Variants in INO80D observed in about 807,000 individuals in gnomAD.
The protein encoded by INO80D is INO80 complex subunit D.
A neutral mutation model predicts 87.6 loss-of-function variants in INO80D; 21 were observed. That is an observed-to-expected ratio of 0.24 (90% CI 0.17 to 0.35). The LOEUF (loss-of-function observed/expected upper bound fraction) is 0.35, where lower values mean the gene tolerates loss of function less well. Among genes scored for constraint, INO80D ranks in the 10% least tolerant of loss-of-function variants. The probability of loss-of-function intolerance (pLI) is 1.00; values close to 1 mark genes in which losing one functional copy is unlikely to be tolerated. For missense variants in INO80D, 982 were observed against 1,280.7 expected (o/e 0.77, Z 3.56); for synonymous variants, 440 against 491.0 (o/e 0.90, Z 1.37).
intron 3 of INO80D, among the ~76,000 whole-genome samples, chr2:206,061,557 C>A (rs912904970): frequency 6.6e-6 from 1 of 152,216 alleles, no homozygotes; most frequent in Admixed American, 6.5e-5. Context: ...ATACATACAT[C>A]CCTTTCTCAC....
Position 205,997,669 on chromosome 2 carries a change from C to T in INO80D, c.*6699G>A, listed in dbSNP as rs1450423819. 1 of 152,124 alleles carries T rather than the reference C, an allele frequency of 6.6e-6. No homozygotes were observed. Among genetic ancestry groups the T allele is most frequent in the Non-Finnish European group, 1.5e-5 (1 of 67,996 alleles). The allele number at this position is 152,124 out of a possible 1,614,324, so 9.4% of individuals were successfully genotyped here. A position where few individuals can be genotyped will look rare whatever the true frequency, so the allele number is the denominator to read the frequency against. ...GAAAGTGAGAGGCTGATCTTAGAAC[C>T]TCCTGTTTCTCATGTCATTTTATGA... is the stretch of plus-strand genomic sequence containing the variant. On this transcript the variant is annotated 3_prime_UTR_variant, in exon 11 of 11. Transcript: ENST00000403263.
chr2:206,071,705 A>G (rs918900840), intron 1 of INO80D, among the ~76,000 whole-genome samples: 2 of 151,544 alleles, frequency 1.3e-5, no homozygotes, highest in African/African-American at 4.8e-5. Context: ...TGATTCCATC[A>G]GCTCACTCTT....
intron 1 of INO80D, among the ~76,000 whole-genome samples, chr2:206,073,734 C>G (rs938074945): frequency 5.9e-5 from 9 of 152,186 alleles, no homozygotes; most frequent in Non-Finnish European, 1.3e-4. Flanking sequence ...AGGCTGGTCT[C>G]GAACCTCTAG....
At chr2:206,021,466 T>C (rs921416175) in intron 6 of INO80D, among the ~76,000 whole-genome samples, 1 of 152,214 alleles carries the variant, frequency 6.6e-6, no homozygotes, top group African/African-American at 2.4e-5. Context: ...AGTTTATCCA[T>C]TGTTTCTTTA....
At chr2:206,033,638 A>C (rs1197876457) in intron 5 of INO80D, among the ~76,000 whole-genome samples, 2 of 152,226 alleles carry the variant, frequency 1.3e-5, no homozygotes, top group African/African-American at 2.4e-5. Flanking sequence ...AAAAAGACTG[A>C]AAAAGCACAA....
Position 206,028,267 on chromosome 2 carries a change from T to A in INO80D, c.1142A>T (p.Lys381Ile). The A allele has an allele frequency of 1.9e-6, 3 of 1,612,864 alleles. No individual in the cohort carries two copies. The highest frequency in any genetic ancestry group is 2.5e-6 in the Non-Finnish European group (3 of 1,178,904). Reference sequence around the variant, plus strand: ...CTCCAGGCGGCAGAGGTGCTTATATTTCTGCTGAAAGTAAGTGCAAAGTTG... The same window carrying A: ...CTCCAGGCGGCAGAGGTGCTTATATATCTGCTGAAAGTAAGTGCAAAGTTG... ...VTQLCTYFQQ[K>I]YKHLCRLERA... The change falls in exon 6 of 11, where the codon AAA (lysine) becomes ATA (isoleucine). Residue 381 changes from lysine to isoleucine, a missense_variant. Lys to Ile is a moderately radical substitution (Grantham distance 102, BLOSUM62 -3). Transcript: ENST00000403263.
At chr2:206,045,850 G>A (rs543878109) in intron 5 of INO80D, among the ~76,000 whole-genome samples, 77 of 152,324 alleles carry the variant, frequency 5.1e-4, no homozygotes, top group African/African-American at 1.8e-3. Flanking sequence ...AGGCAAGATA[G>A]TGGGACTCCA....
intron 5 of INO80D, among the ~76,000 whole-genome samples, chr2:206,039,097 T>C (rs1688966058): frequency 6.6e-6 from 1 of 152,078 alleles, no homozygotes; most frequent in African/African-American, 2.4e-5. Flanking sequence ...ATAAAAGTTG[T>C]GTAAGAAAGG....
Position 206,009,686 on chromosome 2 carries a change from T to G in INO80D, c.1651A>C (p.Arg551=). The G allele has an allele frequency of 1.2e-6, 2 of 1,613,950 alleles. No homozygotes were observed. The highest frequency in any genetic ancestry group is 1.7e-6 in the Non-Finnish European group (2 of 1,179,862). The stretch of plus-strand genomic sequence containing the variant: ...TGGGGTCGACGAGGTCCACGCCTTC[T>G]CTTCTTCTTGTGTTTTTTGGTTAGT... ...PALTKKHKKK[R]RRGPRRPQKP... is the part of the protein sequence containing the mutation. Residue 551 remains arginine (R), a synonymous_variant, in exon 9 of 11, where the codon AGA becomes CGA. Coordinates refer to ENST00000403263, the MANE Select transcript of INO80D (RefSeq NM_017759.5).
intron 8 of INO80D, among the ~76,000 whole-genome samples, chr2:206,013,884 C>A (rs867928671): frequency 5.4e-5 from 8 of 148,476 alleles, no homozygotes; most frequent in Non-Finnish European, 8.9e-5. Flanking sequence ...ATTCGCTGGG[C>A]ATGGTGGCTC....
rs1239010568 is a variant in INO80D at position 205,997,349 on chromosome 2, T to C, written c.*7019A>G. 6.6e-6 allele frequency: 1 copy of C among 151,950 alleles called. No individual in the cohort carries two copies. The highest frequency in any genetic ancestry group is 1.5e-5 in the Non-Finnish European group (1 of 67,960). The allele number at this position is 151,950 out of a possible 1,614,324, so 9.4% of individuals were successfully genotyped here. A position where few individuals can be genotyped will look rare whatever the true frequency, so the allele number is the denominator to read the frequency against. On this transcript the variant is annotated 3_prime_UTR_variant, in exon 11 of 11. Coordinates refer to ENST00000403263, the MANE Select transcript of INO80D (RefSeq NM_017759.5). Reference sequence around the variant, plus strand: ...AAATAACAGCAGAACTGAGTAAAAGTTTTTTGAAAAATTTTGGAAATAAAT... The same window carrying C: ...AAATAACAGCAGAACTGAGTAAAAGCTTTTTGAAAAATTTTGGAAATAAAT...
rs1295477133 is a variant in INO80D, at chr2:205,997,241, T to C, written c.*7127A>G. 1.3e-5 allele frequency: 2 copies of C among 151,166 alleles called. No individual in the cohort carries two copies. Among genetic ancestry groups the C allele is most frequent in the Non-Finnish European group, 3.0e-5 (2 of 67,704 alleles). 9.4% of individuals were successfully genotyped at this position (151,166 alleles called of 1,614,324 possible). On this transcript the variant is annotated 3_prime_UTR_variant, in exon 11 of 11. Coordinates refer to ENST00000403263, the MANE Select transcript of INO80D (RefSeq NM_017759.5). ...TTAAAACTCAAAATAAAGGGATGTA[T>C]TTTTTTTTAATTCCATATGAATCAG...
Position 206,004,953 on chromosome 2 carries a change from C to T in INO80D, c.2499G>A (p.Glu833=). Residue 833 remains glutamate (E), a synonymous_variant, in exon 11 of 11, where the codon GAG becomes GAA. Transcript: ENST00000403263. This position sits in a 1 kb window ranked among gnomAD's most constrained non-coding sequence, Gnocchi z 4.9. ...SSPHGSHYDS[E]HVPSPYSDHI... ...GGTCACTGTAGGGAGACGGCACATG[C>T]TCACTATCATAATGGCTTCCATGGG... is the stretch of plus-strand genomic sequence containing the variant. 6.2e-7 allele frequency: 1 copy of T among 1,613,986 alleles called. No homozygotes were observed. The highest frequency in any genetic ancestry group is 8.5e-7 in the Non-Finnish European group (1 of 1,179,878).
chr2:206,028,145 G>C lies in INO80D; in HGVS notation c.1264C>G (p.Gln422Glu), dbSNP rs1405757964. Residue 422 changes from glutamine (Q) to glutamate (E), a missense_variant, in exon 6 of 11, where the codon CAA (glutamine) becomes GAA (glutamate). By Grantham distance (29) the Gln-to-Glu change is conservative. Coordinates refer to ENST00000403263, the MANE Select transcript of INO80D (RefSeq NM_017759.5). ...CTGCATGCAGCTCTCCGCAGTTCTT[G>C]TATTAACTGACCAGTGCATTCTGGT... ...KEPECTGQLI[Q>E]ELRRAACSRT... 2.6e-6 allele frequency: 4 copies of C among 1,562,414 alleles called. No homozygotes were observed. The South Asian group carries it at 3.5e-5, about 14-fold the overall frequency.
At chr2:206,083,512 T>C (rs1690340279) in intron 1 of INO80D, among the ~76,000 whole-genome samples, 1 of 152,222 alleles carries the variant, frequency 6.6e-6, no homozygotes, top group African/African-American at 2.4e-5. Flanking sequence ...AAATGTAATT[T>C]GCATTTTTGT....
intron 5 of INO80D, 72 bp from the exon 6 acceptor site, chr2:206,028,407 T>C: frequency 8.2e-7 from 1 of 1,225,646 alleles, no homozygotes. Context: ...TAAACGAGAA[T>C]TAGGAAATGT....
rs117314421 is a variant in INO80D, at chr2:206,073,401, C to T, written c.-123-10157G>A. 4.9e-4 allele frequency among the ~76,000 whole-genome samples: 75 copies of T among 152,256 alleles called. 1 individual carries two copies. The East Asian group carries it at 0.013, about 27-fold the overall frequency. On this transcript the variant is annotated intron_variant, in intron 1 of 10. Coordinates refer to ENST00000403263, the MANE Select transcript of INO80D (RefSeq NM_017759.5). ...CACTTTCACTCTTTGGCATTGAGTG[C>T]AAGATATAAATAAGAATGGAAATAT...
At chr2:206,063,073 C>T in intron 2 of INO80D, 28 bp from the exon 3 acceptor site, 1 of 1,211,098 alleles carries the variant, frequency 8.3e-7, no homozygotes, top group East Asian at 2.4e-5. Flanking sequence ...AAAAAGAAAC[C>T]CAAATGATAA....
At chr2:206,061,688 A>G (rs770783288) in intron 3 of INO80D, among the ~76,000 whole-genome samples, 2 of 152,222 alleles carry the variant, frequency 1.3e-5, no homozygotes, top group Non-Finnish European at 2.9e-5. Context: ...TCCCCATTAA[A>G]CTATTTGTAC....
Sources: gnomAD v4.1 joint callset for allele counts (sites outside exome capture counted in the v4.1 genomes callset) on GRCh38, gnomAD v4.1.1 for gene constraint, Gnocchi (gnomAD v3.1) non-coding constraint, MANE v1.5 for transcripts, NCBI Gene and HGNC (gene_info 2026-07-23, HGNC 2026-07-21) for gene names.